Variants in SLC25A21 observed in about 807,000 individuals in gnomAD.
SLC25A21 encodes mitochondrial 2-oxodicarboxylate carrier.
A neutral mutation model predicts 43.8 loss-of-function variants in SLC25A21; 47 were observed. That is an observed-to-expected ratio of 1.07 (90% confidence interval 0.85 to 1.37). SLC25A21 has a LOEUF of 1.37. Ranked by LOEUF, SLC25A21 falls within the 40% of genes most tolerant of loss-of-function variation. The probability of loss-of-function intolerance (pLI) is 0.00; values close to 1 mark genes in which losing one functional copy is unlikely to be tolerated. For missense variants in SLC25A21, 352 were observed against 350.2 expected, an observed-to-expected ratio of 1.00 and a Z score of -0.04; for synonymous variants, 131 against 121.3, an observed-to-expected ratio of 1.08 and a Z score of -0.52.
intron 1 of SLC25A21, among the ~76,000 whole-genome samples, chr14:36,876,003 C>T (rs545088552): frequency 6.6e-6 from 1 of 152,198 alleles, no homozygotes; most frequent in African/African-American, 2.4e-5. Flanking sequence ...ATATGCACAA[C>T]GAATGGACAA....
intron 1 of SLC25A21, among the ~76,000 whole-genome samples, chr14:37,155,389 C>G (rs1272381994): frequency 9.2e-5 from 14 of 152,156 alleles, no homozygotes; most frequent in Admixed American, 5.9e-4. Context: ...TAAAATAAGT[C>G]TAGCAGGAGA....
intron 1 of SLC25A21, among the ~76,000 whole-genome samples, chr14:37,144,237 T>C (rs1215953770): frequency 6.6e-6 from 1 of 152,196 alleles, no homozygotes; most frequent in Non-Finnish European, 1.5e-5. Context: ...TGGGGTGAAA[T>C]ATGGAAATGA....
At chr14:36,764,790 C>T (rs914123467) in intron 3 of SLC25A21, among the ~76,000 whole-genome samples, 9 of 152,116 alleles carry the variant, frequency 5.9e-5, no homozygotes, top group Admixed American at 4.6e-4. Context: ...TAATGGGAGG[C>T]GGTGCCCCTA....
At chr14:36,968,750 C>T (rs748322117) in intron 1 of SLC25A21, among the ~76,000 whole-genome samples, 5 of 152,122 alleles carry the variant, frequency 3.3e-5, no homozygotes, top group Admixed American at 6.5e-5. Context: ...AAGCGTTCAG[C>T]GATGTTGTCT....
intron 7 of SLC25A21, among the ~76,000 whole-genome samples, chr14:36,698,068 C>G (rs1051683345): frequency 2.6e-5 from 4 of 152,078 alleles, no homozygotes; most frequent in African/African-American, 4.8e-5. Flanking sequence ...TTTCTTTCCA[C>G]GTTTAGTGCT....
At chr14:37,028,960 T>C (rs1450320113) in intron 1 of SLC25A21, among the ~76,000 whole-genome samples, 1 of 152,190 alleles carries the variant, frequency 6.6e-6, no homozygotes, top group East Asian at 1.9e-4. Flanking sequence ...CTAAATAGCA[T>C]TTCTCACTAG....
At chr14:36,722,593 C>T (rs539918249) in intron 6 of SLC25A21, among the ~76,000 whole-genome samples, 26 of 152,020 alleles carry the variant, frequency 1.7e-4, no homozygotes, top group African/African-American at 6.3e-4. Context: ...TAAAATTGCT[C>T]TAAAAATAGT....
chr14:36,889,333 G>A (rs1199268436), intron 1 of SLC25A21, among the ~76,000 whole-genome samples: 1 of 152,156 alleles, frequency 6.6e-6, no homozygotes, highest in African/African-American at 2.4e-5. Context: ...TGCATGTCAT[G>A]TAAAATAAGT....
At chr14:36,983,910 G>C (rs960824698) in intron 1 of SLC25A21, among the ~76,000 whole-genome samples, 16 of 152,004 alleles carry the variant, frequency 1.1e-4, no homozygotes, top group Admixed American at 2.0e-4. Flanking sequence ...ATTACTACAC[G>C]TTCTCACTTA....
intron 1 of SLC25A21, among the ~76,000 whole-genome samples, chr14:36,893,404 T>C (rs1409885687): frequency 1.3e-5 from 2 of 152,208 alleles, no homozygotes; most frequent in Non-Finnish European, 2.9e-5. Context: ...TTGTTTTTCT[T>C]GTAAATTTGT....
chr14:36,764,083 G>GAAAGAAAGAAAGAAAGAAAGAAA lies in SLC25A21; in HGVS notation c.204-29511_204-29510insTTTCTTTCTTTCTTTCTTTCTTT, dbSNP rs1213150423. On this transcript the variant is annotated intron_variant, in intron 3 of 9. Transcript: ENST00000331299. ...AAGAAAGAAAGAAAGAAAGAAAGAA[G>GAAAGAAAGAAAGAAAGAAAGAAA]GAAGGAAGGAAGGAAGGAAGGAAGG... is the stretch of plus-strand genomic sequence containing the variant. 6.6e-4 allele frequency among the ~76,000 whole-genome samples: 13 copies of GAAAGAAAGAAAGAAAGAAAGAAA among 19,734 alleles called. No individual in the cohort carries two copies. In the South Asian group the frequency reaches 7.8e-3, roughly 12 times the overall value. The allele number at this position is 19,734 out of a possible 152,430, so 12.9% of individuals were successfully genotyped here. A position where few individuals can be genotyped will look rare whatever the true frequency, so the allele number is the denominator to read the frequency against.
chr14:36,870,204 T>C (rs1376692682), intron 2 of SLC25A21, among the ~76,000 whole-genome samples: 1 of 152,150 alleles, frequency 6.6e-6, no homozygotes, highest in Non-Finnish European at 1.5e-5. Flanking sequence ...ATAAAAAACA[T>C]TTACAGTTGA....
At chr14:37,157,944 G>C (rs967847479) in intron 1 of SLC25A21, among the ~76,000 whole-genome samples, 1 of 152,076 alleles carries the variant, frequency 6.6e-6, no homozygotes, top group South Asian at 2.1e-4. Context: ...GATCATCAGA[G>C]ACTGTAAATA....
At chr14:37,139,665 T>G (rs925885135) in intron 1 of SLC25A21, among the ~76,000 whole-genome samples, 1 of 152,200 alleles carries the variant, frequency 6.6e-6, no homozygotes, top group African/African-American at 2.4e-5. Context: ...AAAATAGTTC[T>G]ATCCATTTAA....
chr14:36,749,718 C>T (rs943495237), intron 3 of SLC25A21, among the ~76,000 whole-genome samples: 3 of 152,196 alleles, frequency 2.0e-5, no homozygotes, highest in African/African-American at 7.2e-5. Flanking sequence ...AGCGCCTTTA[C>T]ACATGCTGCG....
At chr14:37,141,824 T>C (rs570408378) in intron 1 of SLC25A21, among the ~76,000 whole-genome samples, 12 of 152,338 alleles carry the variant, frequency 7.9e-5, no homozygotes, top group African/African-American at 2.9e-4. Flanking sequence ...ATTTCTACAT[T>C]TTCGTCTGAG....
At chr14:37,086,557 G>C (rs1962490679) in intron 1 of SLC25A21, among the ~76,000 whole-genome samples, 1 of 152,138 alleles carries the variant, frequency 6.6e-6, no homozygotes, top group Non-Finnish European at 1.5e-5. Flanking sequence ...ACTAAAGGCT[G>C]GATTGTAGAG....
At chr14:36,916,239 T>C (rs377177562) in intron 1 of SLC25A21, among the ~76,000 whole-genome samples, 6 of 152,318 alleles carry the variant, frequency 3.9e-5, no homozygotes, top group African/African-American at 9.6e-5. Flanking sequence ...ACAGTGCTAA[T>C]AGCATCCCAG....
chr14:37,121,490 T>G (rs2138891660), intron 1 of SLC25A21, among the ~76,000 whole-genome samples: 1 of 152,210 alleles, frequency 6.6e-6, no homozygotes, highest in Middle Eastern at 3.4e-3. Context: ...TTTATTTTGT[T>G]TTAAGTGCAG....
Sources: gnomAD v4.1 joint callset for allele counts (sites outside exome capture counted in the v4.1 genomes callset) on GRCh38, gnomAD v4.1.1 for gene constraint, MANE v1.5 for transcripts, NCBI Gene and HGNC (gene_info 2026-07-23, HGNC 2026-07-21) for gene names.